The following ARHGEF17 variants were observed in gnomAD, a reference collection of about 807,000 sequenced individuals.
ARHGEF17 encodes the protein Rho guanine nucleotide exchange factor 17.
ARHGEF17 carries 80 observed loss-of-function variants against 174.0 expected under a neutral mutation model. The ratio of observed to expected loss-of-function variants is 0.46; its 90% CI spans 0.38 to 0.55. ARHGEF17 has a LOEUF of 0.55. ARHGEF17 is among the 20% of genes least tolerant of loss of function. ARHGEF17 has a pLI of 0.00. For missense variants in ARHGEF17, 2,886 were observed against 2,839.7 expected (o/e 1.02, Z -0.37); for synonymous variants, 1,311 against 1,189.1 (o/e 1.10, Z -2.11).
intron 1 of ARHGEF17, among the ~76,000 whole-genome samples, chr11:73,314,134 A>G (rs986348773): frequency 1.3e-5 from 2 of 152,148 alleles, no homozygotes; most frequent in African/African-American, 4.8e-5. Context: ...CTCCCAGAAT[A>G]TGGGGAGCAG....
chr11:73,364,606 A>C lies in ARHGEF17; in HGVS notation c.5550+6A>C. ...CTGACACGCTGCAGCTGGAGGTAGC[A>C]GGGGGTGGGGGAATGGAATTGGTGC... On this transcript the variant is annotated splice_donor_region_variant and intron_variant, in intron 18 of 20. Coordinates refer to ENST00000263674, the MANE Select transcript of ARHGEF17 (RefSeq NM_014786.4). The C allele has an allele frequency of 6.2e-7, 1 of 1,605,174 alleles. No individual in the cohort carries two copies. The highest frequency in any genetic ancestry group is 8.5e-7 in the Non-Finnish European group (1 of 1,176,594).
At chr11:73,331,845 G>A (rs952573553) in intron 1 of ARHGEF17, among the ~76,000 whole-genome samples, 15 of 152,182 alleles carry the variant, frequency 9.9e-5, no homozygotes, top group South Asian at 4.1e-4. Flanking sequence ...AGAGCCCAAA[G>A]GATTTTTGAA....
At position 73,357,246 on chromosome 11, in the gene ARHGEF17, A is replaced by G; in HGVS notation, c.4006A>G (p.Thr1336Ala). 1 of 1,613,826 alleles carries G rather than the reference A, an allele frequency of 6.2e-7. No homozygotes were observed. The highest frequency in any genetic ancestry group is 8.5e-7 in the Non-Finnish European group (1 of 1,179,814). ...CGCCCCATTGGCTCCCCACAGGTACACGGCAGCCAGTGTCATTGACACAGC... is the reference window on the plus strand; with the variant it reads ...CGCCCCATTGGCTCCCCACAGGTACGCGGCAGCCAGTGTCATTGACACAGC... ...SLRRSSMSLY[T>A]AASVIDTASK... The change falls in exon 9 of 21, where the codon ACG becomes GCG. Residue 1336 changes from threonine to alanine, a missense_variant. Coordinates refer to ENST00000263674, the MANE Select transcript of ARHGEF17 (RefSeq NM_014786.4).
chr11:73,308,628 G>C lies in ARHGEF17; in HGVS notation c.-11G>C. ...CCCGAGGCCAGCCCCCCCGGAGTGA[G>C]TTACGCCACTATGGCGGACGGGGCA... is the stretch of plus-strand genomic sequence containing the variant. On this transcript the variant is annotated 5_prime_UTR_variant, in exon 1 of 21. Coordinates refer to ENST00000263674, the MANE Select transcript of ARHGEF17 (RefSeq NM_014786.4). 5 of 1,477,134 alleles carry C rather than the reference G, an allele frequency of 3.4e-6. No homozygotes were observed. The highest frequency in any genetic ancestry group is 4.5e-6 in the Non-Finnish European group (5 of 1,117,948). The allele number at this position is 1,477,134 out of a possible 1,614,324, so 91.5% of individuals were successfully genotyped here. A position where few individuals can be genotyped will look rare whatever the true frequency, so the allele number is the denominator to read the frequency against.
intron 1 of ARHGEF17, among the ~76,000 whole-genome samples, chr11:73,327,214 G>T (rs1238919680): frequency 6.6e-6 from 1 of 152,162 alleles, no homozygotes; most frequent in Non-Finnish European, 1.5e-5. Context: ...GCTGACACCT[G>T]GAAGGACACA....
intron 2 of ARHGEF17, among the ~76,000 whole-genome samples, chr11:73,350,553 T>C (rs571223410): frequency 1.2e-4 from 18 of 152,310 alleles, no homozygotes; most frequent in Admixed American, 2.0e-4. Flanking sequence ...CTTCGAACCA[T>C]CACTGCCCTC....
chr11:73,311,598 C>G lies in ARHGEF17; in HGVS notation c.2960C>G (p.Pro987Arg), dbSNP rs1864837023. 6.2e-7 allele frequency: 1 copy of G among 1,613,504 alleles called. No homozygotes were observed. Among genetic ancestry groups the G allele is most frequent in the African/African-American group, 1.3e-5 (1 of 75,054 alleles). The change falls in exon 1 of 21, where the codon CCC (proline) becomes CGC (arginine). Residue 987 changes from proline to arginine, a missense_variant. By Grantham distance (103) the Pro-to-Arg change is moderately radical. Transcript: ENST00000263674. The part of the protein sequence containing the change: ...SVGPPVAVPE[P>R]IGFPTRAHPT... ...GGTCCCCCTGTGGCTGTGCCAGAAC[C>G]CATAGGCTTCCCTACCCGAGCCCAT...
rs147774088 is a variant in ARHGEF17 at position 73,349,430 on chromosome 11, C to T, written c.3270+2470C>T. Among the ~76,000 whole-genome samples, 995 of 152,216 alleles carry T rather than the reference C, an allele frequency of 6.5e-3. 9 individuals are homozygous for T. The highest frequency in any genetic ancestry group is 0.027 in the Middle Eastern group (8 of 294). ...AGGAGTTCAAGACCAGCCTAGCCAA[C>T]GTGGTGAAACCTCATCTCTACTAGA... On this transcript the variant is annotated intron_variant, in intron 2 of 20. Transcript: ENST00000263674.
At chr11:73,352,378 C>T (rs1313920328) in intron 2 of ARHGEF17, among the ~76,000 whole-genome samples, 2 of 151,970 alleles carry the variant, frequency 1.3e-5, no homozygotes, top group African/African-American at 2.4e-5. Context: ...AAATTTCTTC[C>T]GTTTGTGTGT....
Position 73,309,331 on chromosome 11 carries a change from C to T in ARHGEF17, c.693C>T (p.Cys231=). 6.5e-7 allele frequency: 1 copy of T among 1,529,346 alleles called. No individual in the cohort carries two copies. Among genetic ancestry groups the T allele is most frequent in the East Asian group, 2.3e-5 (1 of 44,336 alleles). 94.7% of individuals were successfully genotyped at this position (1,529,346 alleles called of 1,614,324 possible). The stretch of plus-strand genomic sequence containing the variant: ...CGCAGGCCGGGGCCCGGGCCTCCTG[C>T]TCCTCCTCCTCCATCGCCGCCTCCT... ...SQPQAGARAS[C]SSSSIAASYP... is the part of the protein sequence containing the mutation. The change falls in exon 1 of 21, where the codon TGC becomes TGT. Residue 231 remains cysteine (C), a synonymous_variant. Coordinates refer to ENST00000263674, the MANE Select transcript of ARHGEF17 (RefSeq NM_014786.4).
rs559883953 is a variant in ARHGEF17 at position 73,365,259 on chromosome 11, G to T, written c.5551-131G>T. ...GGAGGTGCTGGTGAAACCAAGCTTC[G>T]AAAGGTTAATCAGACCAAGGACCAA... On this transcript the variant is annotated intron_variant, in intron 18 of 20. Transcript: ENST00000263674. This position sits in a 1 kb window ranked among gnomAD's most constrained non-coding sequence, Gnocchi z 4.9. 6 of 1,028,166 alleles carry T rather than the reference G, an allele frequency of 5.8e-6. No individual in the cohort carries two copies. In the African/African-American group the frequency reaches 8.0e-5, roughly 14 times the overall value. 63.7% of individuals were successfully genotyped at this position (1,028,166 alleles called of 1,614,324 possible). A position where few individuals can be genotyped will look rare whatever the true frequency, so the allele number is the denominator to read the frequency against.
In ARHGEF17 at chr11:73,360,451, C is replaced by T. The variant is rs749062331; in HGVS notation, c.4338C>T (p.Thr1446=). Residue 1446 remains threonine, a synonymous_variant, in exon 11 of 21, where the codon ACC becomes ACT. Transcript: ENST00000263674. ...TGTGCGCCACTCGGCCCGAGGGCAC[C>T]GACTCCTACATTTTTGAGTTCCCTC... The part of the protein sequence containing the change: ...LELCATRPEG[T]DSYIFEFPHP... The T allele has an allele frequency of 4.3e-6, 7 of 1,614,062 alleles. No individual in the cohort carries two copies. The East Asian group carries it at 8.9e-5, about 21-fold the overall frequency.
rs756073740 is a variant in ARHGEF17, at chr11:73,311,545, TGTG to T, written c.2911_2913del (p.Val971del). 16 of 1,613,472 alleles carry T rather than the reference TGTG, an allele frequency of 9.9e-6. No individual in the cohort carries two copies. Among genetic ancestry groups the T allele is most frequent in the African/African-American group, 1.3e-5 (1 of 74,934 alleles). ...GTGTGCCCGCCACATTTATGCCTAT[TGTG>T]GTGCCTGAGCCACCAACTTCTGTTG... On this transcript the variant is annotated inframe_deletion, in exon 1 of 21. Coordinates refer to ENST00000263674, the MANE Select transcript of ARHGEF17 (RefSeq NM_014786.4).
In ARHGEF17 at chr11:73,315,099, G is replaced by A. The variant is rs1432191573; in HGVS notation, c.3192+3269G>A. 2.0e-5 allele frequency among the ~76,000 whole-genome samples: 3 copies of A among 152,222 alleles called. 1 individual carries two copies. Among genetic ancestry groups the A allele is most frequent in the Non-Finnish European group, 4.4e-5 (3 of 68,046 alleles). On this transcript the variant is annotated intron_variant, in intron 1 of 20. Transcript: ENST00000263674. ...CTTACAGTGCAGACTTAGAGTCGAA[G>A]ACTGTTGGATTCACCCTGAATCCTA...
intron 1 of ARHGEF17, 124 bp downstream of exon 1, chr11:73,311,954 T>C: frequency 1.8e-6 from 2 of 1,112,172 alleles, no homozygotes; most frequent in Non-Finnish European, 2.5e-6. Context: ...GCTTTTCTGG[T>C]CCTGGAAGTG....
chr11:73,363,365 G>T lies in ARHGEF17; in HGVS notation c.5156G>T (p.Gly1719Val). The change falls in exon 15 of 21, where the codon GGC becomes GTC. Residue 1719 changes from glycine to valine, a missense_variant. By Grantham distance (109) the Gly-to-Val change is moderately radical. This residue lies in a region of ARHGEF17 where 476 missense variants were observed against 473.1 expected (regional missense o/e 1.01). Transcript: ENST00000263674. Reference sequence around the variant, plus strand: ...AGAGCCCTTCGCCGCTCCAGCCACGGCTCCTTCACCCGGGGCAGCCTTGAG... The same window carrying T: ...AGAGCCCTTCGCCGCTCCAGCCACGTCTCCTTCACCCGGGGCAGCCTTGAG... The part of the protein sequence containing the change: ...DGRALRRSSH[G>V]SFTRGSLEDL... 1 of 1,613,114 alleles carries T rather than the reference G, an allele frequency of 6.2e-7. No homozygotes were observed. Among genetic ancestry groups the T allele is most frequent in the Non-Finnish European group, 8.5e-7 (1 of 1,179,882 alleles).
At chr11:73,358,583 A>T (rs1278363735) in intron 9 of ARHGEF17, among the ~76,000 whole-genome samples, 1 of 147,700 alleles carries the variant, frequency 6.8e-6, no homozygotes, top group Non-Finnish European at 1.5e-5. Flanking sequence ...TCAGCCTCCC[A>T]AGTAGCTGGG....
chr11:73,317,306 C>A (rs1181909227), intron 1 of ARHGEF17, among the ~76,000 whole-genome samples: 3 of 152,306 alleles, frequency 2.0e-5, no homozygotes, highest in South Asian at 4.1e-4. Flanking sequence ...CCCCTACCCC[C>A]CAAGGTAGCC....
intron 6 of ARHGEF17, 135 bp from the exon 7 acceptor site, chr11:73,356,574 G>C: frequency 7.9e-7 from 1 of 1,265,606 alleles, no homozygotes; most frequent in South Asian, 1.4e-5. Context: ...GGCAGCACAA[G>C]GGCATTGAGG....
Sources: allele counts gnomAD v4.1 joint callset (sites outside exome capture counted in the v4.1 genomes callset), GRCh38; gene constraint gnomAD v4.1.1; regional missense constraint gnomAD v4.1.1; non-coding constraint Gnocchi (gnomAD v3.1); transcripts MANE v1.5; gene names NCBI Gene and HGNC (gene_info 2026-07-23, HGNC 2026-07-21).